NFIB: variants seen among roughly 807,000 people sequenced by gnomAD.
NFIB encodes nuclear factor I B.
Under a neutral mutation model 61.5 loss-of-function variants are expected in NFIB, and 11 were observed. The observed-to-expected ratio is 0.18, with a 90% confidence interval of 0.11 to 0.30. NFIB has a LOEUF of 0.30. Among genes scored for constraint, NFIB ranks in the 10% least tolerant of loss-of-function variants. The pLI is 1.00. For missense variants in NFIB, 471 were observed against 608.9 expected, an observed-to-expected ratio of 0.77 and a Z score of 2.38; for synonymous variants, 260 against 216.5, an observed-to-expected ratio of 1.20 and a Z score of -1.76.
intron 2 of NFIB, among the ~76,000 whole-genome samples, chr9:14,278,389 T>C (rs899205196): frequency 6.6e-6 from 1 of 152,254 alleles, no homozygotes; most frequent in African/African-American, 2.4e-5. Flanking sequence ...CTGTTATTTG[T>C]CATAACATTC....
At chr9:14,375,687 A>G (rs1371472718) in intron 1 of NFIB, among the ~76,000 whole-genome samples, 1 of 151,932 alleles carries the variant, frequency 6.6e-6, no homozygotes, top group Non-Finnish European at 1.5e-5. Context: ...ACCTGGGAAC[A>G]TTTTCACTTA....
At chr9:14,516,781 G>T in the NFIB span, among the ~76,000 whole-genome samples, 1 of 152,090 alleles carries the variant, frequency 6.6e-6, no homozygotes, top group Non-Finnish European at 1.5e-5. Context: ...CTGCCATTTA[G>T]AAACAATTTT....
chr9:14,167,801 G>A (rs1250004604), intron 3 of NFIB, among the ~76,000 whole-genome samples: 1 of 152,092 alleles, frequency 6.6e-6, no homozygotes, highest in Non-Finnish European at 1.5e-5. Flanking sequence ...ATCTTACCAG[G>A]TTCCTCATTC....
the NFIB span, among the ~76,000 whole-genome samples, chr9:14,463,103 G>A: frequency 5.9e-5 from 9 of 151,496 alleles, no homozygotes; most frequent in South Asian, 2.1e-4. Context: ...AAATACACAT[G>A]AGAATTAAAA....
At chr9:14,152,659 T>C (rs2042990693) in intron 4 of NFIB, among the ~76,000 whole-genome samples, 1 of 152,154 alleles carries the variant, frequency 6.6e-6, no homozygotes, top group South Asian at 2.1e-4. Context: ...ATAGTTAACA[T>C]AATTTGCTTA....
chr9:14,357,777 G>C (rs1564028993), intron 1 of NFIB: 1 of 152,092 alleles, frequency 6.6e-6, no homozygotes, highest in Non-Finnish European at 1.5e-5. Flanking sequence ...ACTTAACGTG[G>C]GATATACGTG....
chr9:14,374,700 G>A (rs540497828), intron 1 of NFIB, among the ~76,000 whole-genome samples: 110 of 152,142 alleles, frequency 7.2e-4, no homozygotes, highest in African/African-American at 2.5e-3. Flanking sequence ...ACTTGCGGTC[G>A]GGAGTTCGAG....
At chr9:14,287,460 G>A (rs1434067100) in intron 2 of NFIB, among the ~76,000 whole-genome samples, 4 of 151,848 alleles carry the variant, frequency 2.6e-5, no homozygotes, top group Non-Finnish European at 4.4e-5. Context: ...TTCTGCTCTC[G>A]TTGCTCAGGC....
chr9:14,369,688 T>C (rs1178517298), intron 1 of NFIB, among the ~76,000 whole-genome samples: 2 of 152,186 alleles, frequency 1.3e-5, no homozygotes, highest in Non-Finnish European at 2.9e-5. Context: ...CTCCTTCTTT[T>C]CTCCTAATTA....
At chr9:14,171,364 TC>T (rs1262194144) in intron 3 of NFIB, among the ~76,000 whole-genome samples, 4 of 152,180 alleles carry the variant, frequency 2.6e-5, no homozygotes, top group Non-Finnish European at 4.4e-5. Flanking sequence ...CATCTTATAT[TC>T]CCTGGGAAGG....
chr9:14,261,071 C>T (rs1249520455), intron 2 of NFIB, among the ~76,000 whole-genome samples: 1 of 152,204 alleles, frequency 6.6e-6, no homozygotes, highest in Admixed American at 6.5e-5. Flanking sequence ...AATCCCAGCT[C>T]TTTGGGAGGC....
At chr9:14,095,896 AAG>A (rs1351928660) in intron 10 of NFIB, among the ~76,000 whole-genome samples, 8 of 152,210 alleles carry the variant, frequency 5.3e-5, no homozygotes, top group African/African-American at 1.9e-4. Context: ...CAAAGTGAGC[AAG>A]AGAGAATAAT....
intron 3 of NFIB, among the ~76,000 whole-genome samples, chr9:14,159,788 AG>A (rs928003626): frequency 6.6e-6 from 1 of 152,250 alleles, no homozygotes; most frequent in African/African-American, 2.4e-5. Flanking sequence ...GCAGTAGGAT[AG>A]GGGGTGAAAC....
chr9:14,287,002 C>A (rs1563976977), intron 2 of NFIB, among the ~76,000 whole-genome samples: 1 of 152,170 alleles, frequency 6.6e-6, no homozygotes, highest in South Asian at 2.1e-4. Context: ...TCACTGTCAT[C>A]TAAGAACTTT....
At chr9:14,302,491 G>T (rs2059801372) in intron 2 of NFIB, among the ~76,000 whole-genome samples, 1 of 152,126 alleles carries the variant, frequency 6.6e-6, no homozygotes, top group Non-Finnish European at 1.5e-5. Flanking sequence ...GGTTCAACAA[G>T]GCTAAAGGAA....
chr9:14,355,952 G>A (rs1013506353), intron 1 of NFIB, among the ~76,000 whole-genome samples: 5 of 147,290 alleles, frequency 3.4e-5, no homozygotes, highest in African/African-American at 5.1e-5. Flanking sequence ...GCGAGACTCC[G>A]CCTCAAACAA....
chr9:14,467,013 G>A, the NFIB span, among the ~76,000 whole-genome samples: 1 of 152,286 alleles, frequency 6.6e-6, no homozygotes, highest in South Asian at 2.1e-4. Context: ...GCGGGAGGGG[G>A]CTGTGAGATC....
intron 10 of NFIB, among the ~76,000 whole-genome samples, chr9:14,090,431 A>G (rs934688723): frequency 3.9e-5 from 6 of 152,054 alleles, no homozygotes; most frequent in Non-Finnish European, 1.5e-5. Context: ...TTTACCCTCA[A>G]CTGTGTTTCC....
At chr9:14,514,726 G>C in the NFIB span, among the ~76,000 whole-genome samples, 1 of 152,010 alleles carries the variant, frequency 6.6e-6, no homozygotes, top group Non-Finnish European at 1.5e-5. Flanking sequence ...TAGCCTCCTT[G>C]ATTACTTTTT....
Sources: allele counts gnomAD v4.1 joint callset (sites outside exome capture counted in the v4.1 genomes callset), GRCh38; gene constraint gnomAD v4.1.1; transcripts MANE v1.5; gene names NCBI Gene and HGNC (gene_info 2026-07-23, HGNC 2026-07-21).